Variants in SGSM1 observed in about 807,000 individuals in gnomAD.
SGSM1 encodes small G protein signaling modulator 1.
A neutral mutation model predicts 133.8 loss-of-function variants in SGSM1; 73 were observed. That is an observed-to-expected ratio of 0.55 (90% CI 0.45 to 0.66). The LOEUF (loss-of-function observed/expected upper bound fraction) is 0.66, where lower values mean the gene tolerates loss of function less well. SGSM1 is among the 30% of genes least tolerant of loss of function. The pLI, the probability that SGSM1 is intolerant of heterozygous loss-of-function variation, is 0.00. For synonymous variants in SGSM1, 563 were observed against 573.0 expected, an observed-to-expected ratio of 0.98 and a Z score of 0.25; for missense variants, 1,213 against 1,448.1, an observed-to-expected ratio of 0.84 and a Z score of 2.64.
In SGSM1 at chr22:24,901,933, A is replaced by G; in HGVS notation, c.2711A>G (p.Glu904Gly). 6.7e-7 allele frequency: 1 copy of G among 1,489,948 alleles called. No individual in the cohort carries two copies. The highest frequency in any genetic ancestry group is 9.1e-7 in the Non-Finnish European group (1 of 1,104,484). The allele number at this position is 1,489,948 out of a possible 1,614,324, so 92.3% of individuals were successfully genotyped here. ...NYWYFTPANL[E>G]KLRNIMCSYI... ...TGGTACTTCACGCCCGCCAACTTGG[A>G]GAAGCTGCGTAACATCATGTGCAGG... The change falls in exon 20 of 25, where the codon GAG becomes GGG. Residue 904 changes from glutamate (E) to glycine (G), a missense_variant. By Grantham distance (98) the Glu-to-Gly change is moderately conservative (BLOSUM62 -2). Coordinates refer to ENST00000400358, the MANE Select transcript of SGSM1 (RefSeq NM_001098497.3).
At chr22:24,848,478 C>G (rs1930277618) in intron 4 of SGSM1, among the ~76,000 whole-genome samples, 1 of 152,032 alleles carries the variant, frequency 6.6e-6, no homozygotes, top group East Asian at 1.9e-4. Flanking sequence ...TGGCTTCCCT[C>G]CCTCATCTTG....
chr22:24,912,714 A>G lies in SGSM1; in HGVS notation c.2890A>G (p.Met964Val), dbSNP rs1366485090. The G allele has an allele frequency of 2.5e-6, 4 of 1,613,740 alleles. 1 individual carries two copies. The highest frequency in any genetic ancestry group is 1.1e-5 in the South Asian group (1 of 90,920). Reference protein sequence around the residue: ...MNQNFPHGGAMDTHFANMRSL... With the variant: ...MNQNFPHGGAVDTHFANMRSL... ...CCAGAACTTCCCCCACGGAGGCGCCATGGACACGCACTTTGCAAACATGAG... is the reference window on the plus strand; with the variant it reads ...CCAGAACTTCCCCCACGGAGGCGCCGTGGACACGCACTTTGCAAACATGAG... The change falls in exon 22 of 25, where the codon ATG becomes GTG. Residue 964 changes from methionine to valine, a missense_variant. Physicochemically the swap from Met to Val is conservative, Grantham distance 21. Coordinates refer to ENST00000400358, the MANE Select transcript of SGSM1 (RefSeq NM_001098497.3).
rs755208056 is a variant in SGSM1 at position 24,912,638 on chromosome 22, C to T, written c.2819-5C>T. The T allele has an allele frequency of 6.2e-7, 1 of 1,605,262 alleles. No homozygotes were observed. Among genetic ancestry groups the T allele is most frequent in the Non-Finnish European group, 8.5e-7 (1 of 1,174,012 alleles). On this transcript the variant is annotated splice_region_variant and splice_polypyrimidine_tract_variant and intron_variant, in intron 21 of 24. Transcript: ENST00000400358. Reference sequence around the variant, plus strand: ...GCATCTGACTGTTCTGTGATGCTTTCTCAGAGGCCCTTGCCTTCAGCTGCT... The same window carrying T: ...GCATCTGACTGTTCTGTGATGCTTTTTCAGAGGCCCTTGCCTTCAGCTGCT...
intron 8 of SGSM1, among the ~76,000 whole-genome samples, chr22:24,857,908 G>C (rs1283809635): frequency 6.6e-6 from 1 of 152,128 alleles, no homozygotes; most frequent in Non-Finnish European, 1.5e-5. Flanking sequence ...ATGTTTGGTG[G>C]TCCCTGATCC....
intron 2 of SGSM1, among the ~76,000 whole-genome samples, chr22:24,810,789 C>T (rs1927688664): frequency 6.6e-6 from 1 of 152,132 alleles, no homozygotes; most frequent in Admixed American, 6.5e-5. Context: ...ATCATCATAG[C>T]TGCTGAACAG....
intron 2 of SGSM1, among the ~76,000 whole-genome samples, chr22:24,840,842 T>TTTTTG (rs1010805914): frequency 3.3e-5 from 5 of 152,032 alleles, no homozygotes; most frequent in African/African-American, 7.2e-5. Flanking sequence ...CCATGTTGTG[T>TTTTTG]TTTTGTTTTG....
intron 2 of SGSM1, among the ~76,000 whole-genome samples, chr22:24,820,286 G>T (rs1437786373): frequency 6.6e-6 from 1 of 152,136 alleles, no homozygotes; most frequent in Non-Finnish European, 1.5e-5. Flanking sequence ...CCTGGGCAGG[G>T]TGATAAGGGG....
chr22:24,881,523 G>A (rs1601950428), intron 14 of SGSM1, among the ~76,000 whole-genome samples: 2 of 151,568 alleles, frequency 1.3e-5, no homozygotes, highest in East Asian at 1.9e-4. Context: ...TTGAGATCGC[G>A]CCACTGCACT....
rs1934189730 is a variant in SGSM1, at chr22:24,925,971, G to C, written c.*1697G>C. 6.6e-6 allele frequency: 1 copy of C among 152,204 alleles called. No homozygotes were observed. Among genetic ancestry groups the C allele is most frequent in the African/African-American group, 2.4e-5 (1 of 41,436 alleles). 9.4% of individuals were successfully genotyped at this position (152,204 alleles called of 1,614,324 possible). The stretch of plus-strand genomic sequence containing the variant: ...TCTGTTCTGAGAATGCACCCGGAAT[G>C]GGGGAAACCCAGCAAGCAGCAGAGA... On this transcript the variant is annotated 3_prime_UTR_variant, in exon 25 of 25. Transcript: ENST00000400358.
intron 14 of SGSM1, among the ~76,000 whole-genome samples, chr22:24,881,625 T>C (rs1053720217): frequency 2.6e-5 from 4 of 152,118 alleles, no homozygotes; most frequent in Non-Finnish European, 4.4e-5. Context: ...AAAATAGTTA[T>C]GCAACTCTGG....
At chr22:24,858,897 G>A (rs901833133) in intron 8 of SGSM1, among the ~76,000 whole-genome samples, 1 of 152,246 alleles carries the variant, frequency 6.6e-6, no homozygotes, top group South Asian at 2.1e-4. Flanking sequence ...GCTTTGAACA[G>A]CTGTGGCTGA....
rs141059190 is a variant in SGSM1, at chr22:24,817,837, A to G, written c.63+11353A>G. Reference sequence around the variant, plus strand: ...AGATCAGGGCGGCAGCATGGTTGGTATCTGGTGAGGGCCTTCTTCCTTTTT... The same window carrying G: ...AGATCAGGGCGGCAGCATGGTTGGTGTCTGGTGAGGGCCTTCTTCCTTTTT... On this transcript the variant is annotated intron_variant, in intron 2 of 24. Coordinates refer to ENST00000400358, the MANE Select transcript of SGSM1 (RefSeq NM_001098497.3). Among the ~76,000 whole-genome samples, 314 of 152,330 alleles carry G rather than the reference A, an allele frequency of 2.1e-3. 1 individual carries two copies. The highest frequency in any genetic ancestry group is 7.3e-3 in the African/African-American group (302 of 41,576).
At chr22:24,918,968 T>G (rs8140937) in intron 23 of SGSM1, among the ~76,000 whole-genome samples, 29,653 of 150,474 alleles carry the variant, frequency 0.2, 3,772 homozygotes, top group East Asian at 0.55. Context: ...CTCAAACTCC[T>G]GACCTCAGGT....
rs139680606 is a variant in SGSM1 at position 24,903,013 on chromosome 22, G to A, written c.2735+1056G>A. 4.3e-3 allele frequency among the ~76,000 whole-genome samples: 658 copies of A among 152,230 alleles called. 1 individual carries two copies. The highest frequency in any genetic ancestry group is 0.015 in the African/African-American group (617 of 41,550). ...ACTGTGATCACACAACTGCACTCCA[G>A]CCCGGGCAACAGAATGAGACCCTGT... On this transcript the variant is annotated intron_variant, in intron 20 of 24. Coordinates refer to ENST00000400358, the MANE Select transcript of SGSM1 (RefSeq NM_001098497.3).
At position 24,816,413 on chromosome 22, in the gene SGSM1, C is replaced by CT. The variant is rs1479240071; in HGVS notation, c.63+9932dup. Among the ~76,000 whole-genome samples, 483 of 116,450 alleles carry CT rather than the reference C, an allele frequency of 4.1e-3. 3 individuals are homozygous for CT. Among genetic ancestry groups the CT allele is most frequent in the African/African-American group, 0.013 (448 of 35,488 alleles). The allele number at this position is 116,450 out of a possible 152,430, so 76.4% of individuals were successfully genotyped here. On this transcript the variant is annotated intron_variant, in intron 2 of 24. Coordinates refer to ENST00000400358, the MANE Select transcript of SGSM1 (RefSeq NM_001098497.3). ...GCTAAAAAATTGATTTCTTTTTTTTCTTTCTTTTTTTTTTTTTTTTGAGAT... is the reference window on the plus strand; with the variant it reads ...GCTAAAAAATTGATTTCTTTTTTTTCTTTTCTTTTTTTTTTTTTTTTGAGAT...
intron 21 of SGSM1, among the ~76,000 whole-genome samples, chr22:24,905,432 C>A (rs969560101): frequency 2.6e-5 from 4 of 151,696 alleles, no homozygotes; most frequent in African/African-American, 4.8e-5. Flanking sequence ...TGAGAACAAA[C>A]AAACAAAACA....
chr22:24,827,356 C>T (rs1928856442), intron 2 of SGSM1, among the ~76,000 whole-genome samples: 1 of 101,442 alleles, frequency 9.9e-6, no homozygotes, highest in African/African-American at 3.8e-5. Flanking sequence ...GATTAATTCT[C>T]TTTTTATGCT....
chr22:24,859,239 C>T (rs1050405727), intron 8 of SGSM1, among the ~76,000 whole-genome samples: 14 of 152,040 alleles, frequency 9.2e-5, no homozygotes, highest in African/African-American at 2.9e-4. Context: ...GAAAAGGGAC[C>T]GGCTACTGGG....
At chr22:24,840,635 G>T (rs1158873459) in intron 2 of SGSM1, among the ~76,000 whole-genome samples, 1 of 152,104 alleles carries the variant, frequency 6.6e-6, no homozygotes, top group Non-Finnish European at 1.5e-5. Context: ...GAGCCACCAT[G>T]CCCAGCCTAA....
Sources: gnomAD v4.1 joint callset for allele counts (sites outside exome capture counted in the v4.1 genomes callset) on GRCh38, gnomAD v4.1.1 for gene constraint, MANE v1.5 for transcripts, NCBI Gene and HGNC (gene_info 2026-07-23, HGNC 2026-07-21) for gene names.